Variants in CDK20 observed in about 807,000 individuals in gnomAD.
The protein encoded by CDK20 is cyclin-dependent kinase 20.
Under a neutral mutation model 38.6 loss-of-function variants are expected in CDK20, and 40 were observed. The ratio of observed to expected loss-of-function variants is 1.04; its 90% CI spans 0.81 to 1.35. CDK20 has a LOEUF of 1.35. Among genes scored for constraint, CDK20 ranks in the 40% most tolerant of loss-of-function variants. CDK20 has a pLI of 0.00. For missense variants in CDK20, 512 were observed against 452.6 expected, an observed-to-expected ratio of 1.13 and a Z score of -1.19; for synonymous variants, 209 against 185.7, an observed-to-expected ratio of 1.13 and a Z score of -1.02.
At position 87,969,963 on chromosome 9, in the gene CDK20, G is replaced by A. The variant is rs28364958; in HGVS notation, c.564-44C>T. 399,177 of 1,517,316 alleles carry A rather than the reference G, an allele frequency of 0.26. 58,138 individuals are homozygous for A. Among genetic ancestry groups the A allele is most frequent in the Non-Finnish European group, 0.3 (337,381 of 1,130,526 alleles). 94.0% of individuals were successfully genotyped at this position (1,517,316 alleles called of 1,614,324 possible). On this transcript the variant is annotated intron_variant, in intron 5 of 7. Coordinates refer to ENST00000325303, the MANE Select transcript of CDK20 (RefSeq NM_001039803.3). The stretch of plus-strand genomic sequence containing the variant: ...AAGCAGGTCAGAGATCTCCCACCAT[G>A]GACCACAGACCCACCCACAGAGCAG...
At chr9:87,972,062 A>T (rs958212493) in intron 2 of CDK20, among the ~76,000 whole-genome samples, 2 of 152,056 alleles carry the variant, frequency 1.3e-5, no homozygotes, top group African/African-American at 4.8e-5. Flanking sequence ...AAAACTAGCC[A>T]GGCATGGTGA....
At chr9:87,968,254 G>C (rs915904335) in intron 7 of CDK20, 3 of 152,660 alleles carry the variant, frequency 2.0e-5, no homozygotes, top group Admixed American at 6.5e-5. Flanking sequence ...AATGTGTCCT[G>C]TTCTACTTGG....
chr9:87,972,318 G>A (rs560884915), intron 2 of CDK20, among the ~76,000 whole-genome samples: 1 of 152,250 alleles, frequency 6.6e-6, no homozygotes, highest in Non-Finnish European at 1.5e-5. Context: ...CCAGTTTGTG[G>A]GGATCTGGGA....
intron 7 of CDK20, chr9:87,968,907 C>T (rs1054947467): frequency 9.1e-6 from 4 of 440,702 alleles, no homozygotes; most frequent in African/African-American, 2.0e-5. Context: ...TCAGGGGCAG[C>T]CCAGAAACCT....
In CDK20 at chr9:87,970,738, C is replaced by T. The variant is rs774171442; in HGVS notation, c.500+38G>A. On this transcript the variant is annotated intron_variant, in intron 4 of 7. Transcript: ENST00000325303. The stretch of plus-strand genomic sequence containing the variant: ...AGAAAAGGCCCAGAAGCATCTCTTC[C>T]CCATGGAGAAGACTGGAAGGGATCT... The T allele has an allele frequency of 2.0e-5, 32 of 1,613,334 alleles. No homozygotes were observed. In the South Asian group the frequency reaches 2.5e-4, roughly 13 times the overall value.
chr9:87,972,829 G>T (rs1047066220), intron 2 of CDK20, among the ~76,000 whole-genome samples: 1 of 152,178 alleles, frequency 6.6e-6, no homozygotes, highest in Non-Finnish European at 1.5e-5. Context: ...TGGCTGTCTG[G>T]AAGCCCTTTT....
rs1342378923 is a variant in CDK20 at position 87,969,132 on chromosome 9, C to CA, written c.843+61dup. The CA allele has an allele frequency of 1.9e-6, 3 of 1,572,846 alleles. No homozygotes were observed. The African/African-American group carries it at 4.0e-5, about 21-fold the overall frequency. ...GATGGGGTCACATGGCTACCAAGTA[C>CA]AGAGTACCAGGGTGATGGGGAGGGG... On this transcript the variant is annotated intron_variant, in intron 7 of 7. Coordinates refer to ENST00000325303, the MANE Select transcript of CDK20 (RefSeq NM_001039803.3).
intron 2 of CDK20, 39 bp downstream of exon 2, chr9:87,973,883 C>T (rs1411759413): frequency 6.3e-7 from 1 of 1,595,734 alleles, no homozygotes; most frequent in African/African-American, 1.3e-5. Flanking sequence ...GAACGAGCGA[C>T]TGAGGGTGAG....
rs1829687133 is a variant in CDK20 at position 87,969,366 on chromosome 9, G to T, written c.688-17C>A. 6.2e-7 allele frequency: 1 copy of T among 1,613,194 alleles called. No homozygotes were observed. Among genetic ancestry groups the T allele is most frequent in the East Asian group, 2.2e-5 (1 of 44,868 alleles). On this transcript the variant is annotated splice_polypyrimidine_tract_variant and intron_variant, in intron 6 of 7. Coordinates refer to ENST00000325303, the MANE Select transcript of CDK20 (RefSeq NM_001039803.3). Reference sequence around the variant, plus strand: ...AGTGAGCTCCTGGGCCAGGGAGAAGGAACAGGGTACAATGAGAGTAGTTCC... The same window carrying T: ...AGTGAGCTCCTGGGCCAGGGAGAAGTAACAGGGTACAATGAGAGTAGTTCC...
chr9:87,971,550 A>C (rs1042496936), intron 2 of CDK20, among the ~76,000 whole-genome samples: 1 of 152,198 alleles, frequency 6.6e-6, no homozygotes, highest in Admixed American at 6.5e-5. Context: ...CTAATTCTCC[A>C]TGAACACTAA....
In CDK20 at chr9:87,973,903, C is replaced by A; in HGVS notation, c.189+19G>T. On this transcript the variant is annotated intron_variant, in intron 2 of 7. Transcript: ENST00000325303. ...AGCGACTGAGGGTGAGAATACCATG[C>A]CCCCCCTCCCCTACTCACATACTGA... is the stretch of plus-strand genomic sequence containing the variant. The A allele has an allele frequency of 1.9e-6, 3 of 1,600,170 alleles. No homozygotes were observed. Among genetic ancestry groups the A allele is most frequent in the Non-Finnish European group, 2.6e-6 (3 of 1,173,136 alleles).
At chr9:87,970,186 A>G (rs1829750011) in intron 5 of CDK20, 2 of 452,064 alleles carry the variant, frequency 4.4e-6, no homozygotes, top group Non-Finnish European at 7.8e-6. Context: ...TCTCAGACCC[A>G]TGGGCACTGC....
intron 7 of CDK20, 109 bp from the exon 8 acceptor site, chr9:87,967,768 G>T: frequency 2.0e-6 from 2 of 986,818 alleles, no homozygotes; most frequent in Non-Finnish European, 2.9e-6. Context: ...GTGTGTCTGG[G>T]TGTTTTCTGA....
chr9:87,974,378 G>T lies in CDK20; in HGVS notation c.69C>A (p.His23Gln), dbSNP rs754508521. 2 of 1,612,418 alleles carry T rather than the reference G, an allele frequency of 1.2e-6. No individual in the cohort carries two copies. Among genetic ancestry groups the T allele is most frequent in the Non-Finnish European group, 1.7e-6 (2 of 1,179,888 alleles). The change falls in exon 1 of 8, where the codon CAC becomes CAA. Residue 23 changes from histidine (H) to glutamine (Q), a missense_variant. Coordinates refer to ENST00000325303, the MANE Select transcript of CDK20 (RefSeq NM_001039803.3). ...GGCCGCGGTCCAGCCTCACCTCCAC[G>T]TGCTTGGCCTTGAAGACGATGCCGT... The part of the protein sequence containing the change: ...GAHGIVFKAK[H>Q]VETGEIVALK...
At chr9:87,967,773 TTC>T (rs1175888326) in intron 7 of CDK20, 114 bp from the exon 8 acceptor site, 2 of 898,328 alleles carry the variant, frequency 2.2e-6, no homozygotes, top group East Asian at 5.4e-5. Context: ...TCTGGGTGTT[TTC>T]TGAGTGTCTA....
chr9:87,967,737 T>A, intron 7 of CDK20, 78 bp from the exon 8 acceptor site: 1 of 1,263,788 alleles, frequency 7.9e-7, no homozygotes, highest in Non-Finnish European at 1.1e-6. Context: ...TGTTCCTTCA[T>A]CTATGCATTC....
rs371154514 is a variant in CDK20, at chr9:87,970,811, G to T, written c.465C>A (p.Asp155Glu). ...DFGLARVFSP[D>E]GSRLYTHQVA... Reference sequence around the variant, plus strand: ...CCTGGTGTGTGTAGAGGCGGCTGCCGTCTGGGGAAAAGACTCGAGCCAGGC... The same window carrying T: ...CCTGGTGTGTGTAGAGGCGGCTGCCTTCTGGGGAAAAGACTCGAGCCAGGC... Residue 155 changes from aspartate (D) to glutamate (E), a missense_variant, in exon 4 of 8, where the codon GAC becomes GAA. By Grantham distance (45) the Asp-to-Glu change is conservative (BLOSUM62 2). Transcript: ENST00000325303. The T allele has an allele frequency of 9.9e-6, 16 of 1,613,964 alleles. No homozygotes were observed. In the African/African-American group the frequency reaches 1.1e-4, roughly 11 times the overall value.
chr9:87,972,091 G>T (rs1018378950), intron 2 of CDK20, among the ~76,000 whole-genome samples: 1 of 152,122 alleles, frequency 6.6e-6, no homozygotes, highest in Non-Finnish European at 1.5e-5. Flanking sequence ...TGTAGTCCTA[G>T]CTACTTGGGA....
chr9:87,967,148 G>A lies in CDK20; in HGVS notation c.*314C>T, dbSNP rs552871857. ...GGGAAGCAGCACCAAGGCAGGCATC[G>A]TCATTCTGCATATGCAGGCCTTGAC... On this transcript the variant is annotated 3_prime_UTR_variant, in exon 8 of 8. Transcript: ENST00000325303. 2.0e-4 allele frequency: 126 copies of A among 618,840 alleles called. No individual in the cohort carries two copies. In the East Asian group the frequency reaches 2.7e-3, roughly 13 times the overall value. The allele number at this position is 618,840 out of a possible 1,614,324, so 38.3% of individuals were successfully genotyped here. A position where few individuals can be genotyped will look rare whatever the true frequency, so the allele number is the denominator to read the frequency against.
Sources: gnomAD v4.1 joint callset for allele counts (sites outside exome capture counted in the v4.1 genomes callset) on GRCh38, gnomAD v4.1.1 for gene constraint, MANE v1.5 for transcripts, NCBI Gene and HGNC (gene_info 2026-07-23, HGNC 2026-07-21) for gene names.